Variants in CREG2 observed in about 807,000 individuals in gnomAD.
The protein encoded by CREG2 is cellular repressor of E1A stimulated genes 2, also known as protein CREG2.
CREG2 carries 24 observed loss-of-function variants against 26.2 expected under a neutral mutation model. The observed-to-expected ratio is 0.92, with a 90% CI of 0.66 to 1.29. CREG2 has a LOEUF of 1.29. Ranked by LOEUF, CREG2 falls within the 50% of genes most tolerant of loss-of-function variation. The probability of loss-of-function intolerance (pLI) is 0.00; values close to 1 mark genes in which losing one functional copy is unlikely to be tolerated. For synonymous variants in CREG2, 174 were observed against 169.2 expected (o/e 1.03, Z -0.22); for missense variants, 366 against 398.6 (o/e 0.92, Z 0.70).
At chr2:101,363,283 CCTG>C (rs1332740662) in intron 2 of CREG2, among the ~76,000 whole-genome samples, 1 of 152,046 alleles carries the variant, frequency 6.6e-6, no homozygotes, top group African/African-American at 2.4e-5. Context: ...ATTACATGGA[CCTG>C]AGGAGTCATA....
intron 2 of CREG2, chr2:101,383,022 T>C: frequency 1.0e-6 from 1 of 986,246 alleles, no homozygotes; most frequent in Non-Finnish European, 1.2e-6. Context: ...AAGTGTTTTC[T>C]TTCAGAGAGC....
chr2:101,357,326 G>A (rs1409953899), intron 2 of CREG2, among the ~76,000 whole-genome samples: 1 of 152,196 alleles, frequency 6.6e-6, no homozygotes, highest in Non-Finnish European at 1.5e-5. Flanking sequence ...CCTGGCCTGT[G>A]GGGAAGGGAA....
At chr2:101,378,998 T>C (rs139050384) in intron 2 of CREG2, among the ~76,000 whole-genome samples, 1 of 148,182 alleles carries the variant, frequency 6.7e-6, no homozygotes, top group Non-Finnish European at 1.5e-5. Flanking sequence ...AGAGTGAGAC[T>C]CCATCTCAAA....
rs866593242 is a variant in CREG2, at chr2:101,346,873, A to G, written c.*4050T>C. ...CCAATGGCACATCTTGCTAAACTAC[A>G]GTACAATATCCCAACCAGGATTTTC... On this transcript the variant is annotated 3_prime_UTR_variant, in exon 4 of 4. Transcript: ENST00000324768. 6.6e-6 allele frequency: 1 copy of G among 152,224 alleles called. No homozygotes were observed. The highest frequency in any genetic ancestry group is 1.5e-5 in the Non-Finnish European group (1 of 68,038). 9.4% of individuals were successfully genotyped at this position (152,224 alleles called of 1,614,324 possible).
At chr2:101,367,478 A>G (rs144307808) in intron 2 of CREG2, among the ~76,000 whole-genome samples, 2 of 152,316 alleles carry the variant, frequency 1.3e-5, no homozygotes, top group African/African-American at 2.4e-5. Flanking sequence ...TGACACCTCT[A>G]ACATACCAAA....
chr2:101,365,238 C>T (rs1180158859), intron 2 of CREG2, among the ~76,000 whole-genome samples: 5 of 152,178 alleles, frequency 3.3e-5, no homozygotes, highest in Admixed American at 6.5e-5. Flanking sequence ...CTAGCCTTTC[C>T]GGCATCTGCA....
At chr2:101,356,137 G>C (rs1469682250) in intron 2 of CREG2, among the ~76,000 whole-genome samples, 1 of 152,188 alleles carries the variant, frequency 6.6e-6, no homozygotes, top group African/African-American at 2.4e-5. Context: ...CCTCTCCAAA[G>C]TCATGCCGTC....
intron 2 of CREG2, among the ~76,000 whole-genome samples, chr2:101,356,144 C>T (rs1319860736): frequency 8.5e-5 from 13 of 152,172 alleles, no homozygotes; most frequent in Admixed American, 8.5e-4. Flanking sequence ...AAAGTCATGC[C>T]GTCTGAAGTT....
chr2:101,378,812 G>C (rs1684827527), intron 2 of CREG2, among the ~76,000 whole-genome samples: 1 of 152,074 alleles, frequency 6.6e-6, no homozygotes, highest in African/African-American at 2.4e-5. Context: ...TTCAAGACCA[G>C]CCTGGCCAAG....
chr2:101,350,668 G>T lies in CREG2; in HGVS notation c.*255C>A. The T allele has an allele frequency of 2.9e-6, 1 of 348,706 alleles. No individual in the cohort carries two copies. The highest frequency in any genetic ancestry group is 5.2e-6 in the Non-Finnish European group (1 of 193,830). The allele number at this position is 348,706 out of a possible 1,614,324, so 21.6% of individuals were successfully genotyped here. The stretch of plus-strand genomic sequence containing the variant: ...CCAGCTATTATATGATTTCTGAATC[G>T]ATGAGTCTGGATTGAATACAATGGA... On this transcript the variant is annotated 3_prime_UTR_variant, in exon 4 of 4. Coordinates refer to ENST00000324768, the MANE Select transcript of CREG2 (RefSeq NM_153836.4).
chr2:101,381,935 C>T (rs970029886), intron 2 of CREG2: 3 of 152,408 alleles, frequency 2.0e-5, no homozygotes, highest in African/African-American at 4.8e-5. Context: ...GAGGACCTCT[C>T]CTAAGTCAGA....
At chr2:101,376,762 C>T (rs1450285885) in intron 2 of CREG2, among the ~76,000 whole-genome samples, 2 of 152,142 alleles carry the variant, frequency 1.3e-5, no homozygotes, top group Non-Finnish European at 2.9e-5. Flanking sequence ...GCTTTGTTAC[C>T]ATCACATGAT....
intron 2 of CREG2, among the ~76,000 whole-genome samples, chr2:101,361,076 C>T (rs924644109): frequency 2.6e-5 from 4 of 152,164 alleles, no homozygotes; most frequent in African/African-American, 7.2e-5. Context: ...TGAAATTAAC[C>T]TTCAGATGTA....
At chr2:101,380,401 A>C (rs1684854449) in intron 2 of CREG2, among the ~76,000 whole-genome samples, 1 of 152,200 alleles carries the variant, frequency 6.6e-6, no homozygotes, top group South Asian at 2.1e-4. Flanking sequence ...TTGCAGCTGA[A>C]ATGCCCCCTC....
chr2:101,364,307 C>T (rs1044963100), intron 2 of CREG2, among the ~76,000 whole-genome samples: 55 of 152,280 alleles, frequency 3.6e-4, no homozygotes, highest in Admixed American at 2.7e-3. Context: ...GGCTGTCCTT[C>T]GCATAATAGA....
chr2:101,382,423 T>C (rs920561287), intron 2 of CREG2: 23 of 812,412 alleles, frequency 2.8e-5, no homozygotes, highest in Non-Finnish European at 3.2e-5. Flanking sequence ...CGAAACTCTA[T>C]CTCGAAAAAA....
intron 2 of CREG2, among the ~76,000 whole-genome samples, chr2:101,379,444 C>A (rs574779110): frequency 6.6e-6 from 1 of 152,274 alleles, no homozygotes; most frequent in African/African-American, 2.4e-5. Flanking sequence ...TGAGCATTTT[C>A]TTCATTAAAT....
intron 2 of CREG2, among the ~76,000 whole-genome samples, chr2:101,357,435 G>A (rs1379474445): frequency 6.6e-6 from 1 of 152,154 alleles, no homozygotes; most frequent in African/African-American, 2.4e-5. Context: ...TTAGAGACTG[G>A]CTTCATGTAA....
chr2:101,383,900 T>A (rs1684923069), intron 1 of CREG2, among the ~76,000 whole-genome samples, 198 bp from the exon 2 acceptor site: 1 of 152,160 alleles, frequency 6.6e-6, no homozygotes, highest in African/African-American at 2.4e-5. Context: ...GGCTCTAGAA[T>A]TTCTCCACAG....
Sources: gnomAD v4.1 joint callset for allele counts (sites outside exome capture counted in the v4.1 genomes callset) on GRCh38, gnomAD v4.1.1 for gene constraint, MANE v1.5 for transcripts, NCBI Gene and HGNC (gene_info 2026-07-23, HGNC 2026-07-21) for gene names.